TUBGCP5: variants seen among roughly 807,000 people sequenced by gnomAD.
The protein encoded by TUBGCP5 is tubulin gamma complex component 5, also known as gamma-tubulin complex component 5.
Under a neutral mutation model 134.7 loss-of-function variants are expected in TUBGCP5, and 98 were observed. That is an observed-to-expected ratio of 0.73 (90% CI 0.62 to 0.86). The LOEUF is 0.86. Among genes scored for constraint, TUBGCP5 ranks in the 40% least tolerant of loss-of-function variants. The probability of loss-of-function intolerance (pLI) is 0.00; values close to 1 mark genes in which losing one functional copy is unlikely to be tolerated. For synonymous variants in TUBGCP5, 456 were observed against 431.4 expected (o/e 1.06, Z -0.71); for missense variants, 1,150 against 1,244.8 (o/e 0.92, Z 1.15).
intron 23 of TUBGCP5, among the ~76,000 whole-genome samples, chr15:22,993,223 C>T (rs1462113597): frequency 3.3e-5 from 5 of 151,528 alleles, no homozygotes; most frequent in Admixed American, 3.3e-4. Context: ...CCTCAGCCTC[C>T]TAAGTAGCTG....
chr15:23,008,543 C>T (rs1271831925), intron 16 of TUBGCP5, 156 bp downstream of exon 16: 1 of 955,718 alleles, frequency 1.0e-6, no homozygotes. Flanking sequence ...CAGGTGTGAG[C>T]CACCGTGCCT....
intron 9 of TUBGCP5, 177 bp from the exon 10 acceptor site, chr15:23,024,370 A>G: frequency 1.5e-6 from 1 of 656,354 alleles, no homozygotes; most frequent in East Asian, 3.0e-5. Context: ...AAAAGTGAAC[A>G]ATAATTTCAA....
rs1184620782 is a variant in TUBGCP5, at chr15:23,019,343, G to C, written c.1372-9C>G. 6.3e-7 allele frequency: 1 copy of C among 1,597,292 alleles called. No individual in the cohort carries two copies. The highest frequency in any genetic ancestry group is 1.7e-5 in the Admixed American group (1 of 59,808). Reference sequence around the variant, plus strand: ...GAGAAAAGGAGGGAGACCTGAGGCAGAGAGTGTGCACGGTCAGCTCTCAGG... The same window carrying C: ...GAGAAAAGGAGGGAGACCTGAGGCACAGAGTGTGCACGGTCAGCTCTCAGG... On this transcript the variant is annotated splice_polypyrimidine_tract_variant and intron_variant, in intron 11 of 22. Coordinates refer to ENST00000615383, the MANE Select transcript of TUBGCP5 (RefSeq NM_052903.6).
At position 23,037,422 on chromosome 15, in the gene TUBGCP5, C is replaced by T. The variant is rs8029154; in HGVS notation, c.147-270G>A. ...CTCTGTCTTCCCATAAGCCCCTGTA[C>T]CTAAGTCCAGCTGAACACATTCTAC... On this transcript the variant is annotated intron_variant, in intron 1 of 22. Coordinates refer to ENST00000615383, the MANE Select transcript of TUBGCP5 (RefSeq NM_052903.6). Among the ~76,000 whole-genome samples the T allele has an allele frequency of 0.17, 26,002 of 152,108 alleles. 3,132 individuals are homozygous for T. The highest frequency in any genetic ancestry group is 0.46 in the East Asian group (2,364 of 5,166).
At chr15:23,039,128 G>T (rs926137708) in intron 1 of TUBGCP5, among the ~76,000 whole-genome samples, 1 of 152,028 alleles carries the variant, frequency 6.6e-6, no homozygotes. Flanking sequence ...TTGCAGGCGC[G>T]CGCGCCGGCC....
At chr15:23,000,434 A>T in intron 22 of TUBGCP5, 135 bp downstream of exon 22, 1 of 1,441,396 alleles carries the variant, frequency 6.9e-7, no homozygotes, top group Non-Finnish European at 9.1e-7. Flanking sequence ...GCATGGGACA[A>T]CTGCTAAGGG....
rs759479137 is a variant in TUBGCP5 at position 23,037,331 on chromosome 15, C to T, written c.147-179G>A. Among the ~76,000 whole-genome samples, 55 of 152,144 alleles carry T rather than the reference C, an allele frequency of 3.6e-4. 2 individuals carry two copies. Among genetic ancestry groups the T allele is most frequent in the Non-Finnish European group, 1.5e-4 (10 of 68,036 alleles). On this transcript the variant is annotated intron_variant, in intron 1 of 22. Transcript: ENST00000615383. ...AGGCAAATAATCACCGTGTCCGAGA[C>T]TGTGCAAGCATCCTTTCTCCAGCAC...
intron 5 of TUBGCP5, 113 bp downstream of exon 5, chr15:23,031,837 T>G: frequency 3.0e-6 from 2 of 661,734 alleles, no homozygotes; most frequent in Non-Finnish European, 5.0e-6. Context: ...TCTAGCTTAG[T>G]GAAGAGTGTT....
chr15:22,992,996 C>G (rs1331060747), intron 23 of TUBGCP5, among the ~76,000 whole-genome samples: 1 of 151,810 alleles, frequency 6.6e-6, no homozygotes, highest in African/African-American at 2.4e-5. Flanking sequence ...TTAGCCTCCC[C>G]ATACGGCAAA....
chr15:22,993,438 G>A (rs1208884397), intron 23 of TUBGCP5, among the ~76,000 whole-genome samples: 1 of 147,500 alleles, frequency 6.8e-6, no homozygotes, highest in African/African-American at 2.5e-5. Flanking sequence ...TTACTCTGCC[G>A]CCCAGGCTGG....
At position 23,017,807 on chromosome 15, in the gene TUBGCP5, A is replaced by T. The variant is rs1367338573; in HGVS notation, c.1722T>A (p.Cys574Ter). 2 of 1,613,920 alleles carry T rather than the reference A, an allele frequency of 1.2e-6. No individual in the cohort carries two copies. Among genetic ancestry groups the T allele is most frequent in the South Asian group, 2.2e-5 (2 of 91,062 alleles). ...CTGCCTGGCAGGTGGTGCTCTCCGC[A>T]CACTGCAGGTTCTTCAGCAGCTGCA... ...KSMQLLKNLQ[C>*]AESTTCQAGA... The change falls in exon 13 of 23, where the codon TGT (cysteine) becomes TGA (stop). Residue 574 changes from cysteine (C) to a stop codon, truncating the protein, a stop_gained. Transcript: ENST00000615383. LOFTEE classifies it high-confidence loss of function.
At chr15:23,037,984 TC>T (rs1429425730) in intron 1 of TUBGCP5, among the ~76,000 whole-genome samples, 1 of 152,124 alleles carries the variant, frequency 6.6e-6, no homozygotes, top group Non-Finnish European at 1.5e-5. Context: ...CAGGATAGTC[TC>T]GATCTCCTGA....
At chr15:22,995,721 A>G (rs1019341626), downstream of TUBGCP5, among the ~76,000 whole-genome samples, 3 of 152,098 alleles carry the variant, frequency 2.0e-5, no homozygotes, top group Non-Finnish European at 4.4e-5. Context: ...ACATGCATGT[A>G]CCTGTGGGAC....
chr15:22,997,431 T>G (rs2064141450), downstream of TUBGCP5, among the ~76,000 whole-genome samples: 1 of 151,576 alleles, frequency 6.6e-6, no homozygotes, highest in African/African-American at 2.4e-5. Context: ...CCACCCACCT[T>G]GACCTCCCAA....
chr15:23,009,087 C>T (rs1316485820), intron 15 of TUBGCP5, among the ~76,000 whole-genome samples: 1 of 151,884 alleles, frequency 6.6e-6, no homozygotes, highest in African/African-American at 2.4e-5. Flanking sequence ...AGGTTATCTT[C>T]TATAACATTA....
At chr15:23,024,570 C>CA (rs2065887676) in intron 9 of TUBGCP5, among the ~76,000 whole-genome samples, 167 bp downstream of exon 9, 1 of 152,118 alleles carries the variant, frequency 6.6e-6, no homozygotes, top group Non-Finnish European at 1.5e-5. Flanking sequence ...ATGCACAACT[C>CA]AATTTTTCTT....
Position 23,006,070 on chromosome 15 carries a change from C to A in TUBGCP5, c.2515G>T (p.Asp839Tyr). Residue 839 changes from aspartate to tyrosine, a missense_variant, in exon 18 of 23, where the codon GAT becomes TAT. Asp to Tyr is a radical substitution (Grantham distance 160, BLOSUM62 -3). Around this residue, in one of 2 missense-constraint regions of TUBGCP5, gnomAD observed 697 missense variants for 850.1 expected, o/e 0.82. Coordinates refer to ENST00000615383, the MANE Select transcript of TUBGCP5 (RefSeq NM_052903.6). Reference sequence around the variant, plus strand: ...ATCTTACCACCAAAAAGTAAAACATCCAGACTATATTTTGCCCACTTTATT... The same window carrying A: ...ATCTTACCACCAAAAAGTAAAACATACAGACTATATTTTGCCCACTTTATT... ...LQIKWAKYSLDVLLFGELVST... is the reference protein window; with the variant it reads ...LQIKWAKYSLYVLLFGELVST... 6.2e-7 allele frequency: 1 copy of A among 1,605,860 alleles called. No individual in the cohort carries two copies. The highest frequency in any genetic ancestry group is 1.7e-5 in the Admixed American group (1 of 57,544).
Position 23,039,540 on chromosome 15 carries a change from C to A in TUBGCP5, c.4G>T (p.Ala2Ser), listed in dbSNP as rs756322332. Residue 2 changes from alanine to serine, a missense_variant, in exon 1 of 23, where the codon GCG becomes TCG. Transcript: ENST00000615383. ...CGACTCCACGGTGGCCCGTGCCGCG[C>A]CATGTTCCGCGCTCCTGCAGCGCGC... M[A>S]RHGPPWSRLD... 1.4e-6 allele frequency: 2 copies of A among 1,460,276 alleles called. No homozygotes were observed. The highest frequency in any genetic ancestry group is 9.2e-7 in the Non-Finnish European group (1 of 1,092,080). The allele number at this position is 1,460,276 out of a possible 1,614,324, so 90.5% of individuals were successfully genotyped here. A position where few individuals can be genotyped will look rare whatever the true frequency, so the allele number is the denominator to read the frequency against.
At position 23,008,854 on chromosome 15, in the gene TUBGCP5, C is replaced by T; in HGVS notation, c.2172G>A (p.Arg724=). The T allele has an allele frequency of 6.3e-7, 1 of 1,576,950 alleles. No individual in the cohort carries two copies. Among genetic ancestry groups the T allele is most frequent in the Non-Finnish European group, 8.6e-7 (1 of 1,168,954 alleles). The change falls in exon 16 of 23, where the codon AGG becomes AGA. Residue 724 remains arginine (R), a synonymous_variant. Coordinates refer to ENST00000615383, the MANE Select transcript of TUBGCP5 (RefSeq NM_052903.6). ...CTCCTCCTTCCATTAAGAAAAAATT[C>T]CTCATAGCTTGCAAGTATTCTACCA... The part of the protein sequence containing the change: ...YRLVEYLQAM[R]NFFLMEGGDT...
Sources: gnomAD v4.1 joint callset for allele counts (sites outside exome capture counted in the v4.1 genomes callset) on GRCh38, gnomAD v4.1.1 for gene constraint, gnomAD v4.1.1 regional missense constraint, MANE v1.5 for transcripts, NCBI Gene and HGNC (gene_info 2026-07-23, HGNC 2026-07-21) for gene names.